Variants in PRSS23 observed in about 807,000 individuals in gnomAD.
PRSS23 encodes the protein protease, serine 23.
Under a neutral mutation model 34.7 loss-of-function variants are expected in PRSS23, and 25 were observed. The observed-to-expected ratio is 0.72, with a 90% CI of 0.53 to 1.01. The LOEUF (loss-of-function observed/expected upper bound fraction) is 1.01. Ranked by LOEUF, PRSS23 falls within the 50% of genes least tolerant of loss-of-function variation. The probability of loss-of-function intolerance (pLI) is 0.00; values close to 1 mark genes in which losing one functional copy is unlikely to be tolerated. For missense variants in PRSS23, 445 were observed against 475.6 expected, an observed-to-expected ratio of 0.94 and a Z score of 0.60; for synonymous variants, 176 against 186.6, an observed-to-expected ratio of 0.94 and a Z score of 0.46.
intron 2 of PRSS23, among the ~76,000 whole-genome samples, chr11:86,879,925 A>G (rs1225046327): frequency 6.7e-6 from 1 of 150,324 alleles, no homozygotes; most frequent in Non-Finnish European, 1.5e-5. Context: ...CTGCCCGGCC[A>G]CCACCCCGTC....
At chr11:86,922,465 A>G (rs1164551608) in intron 2 of PRSS23, among the ~76,000 whole-genome samples, 1 of 148,490 alleles carries the variant, frequency 6.7e-6, no homozygotes, top group Non-Finnish European at 1.5e-5. Flanking sequence ...GCAAGACCCC[A>G]TCTCTAAAAA....
intron 2 of PRSS23, chr11:86,909,553 A>G (rs1456737409): frequency 6.6e-6 from 1 of 152,246 alleles, no homozygotes; most frequent in Non-Finnish European, 1.5e-5. Flanking sequence ...GCTAAATTCA[A>G]GGCTAAGAGG....
chr11:86,851,056 A>G (rs1280639352), intron 2 of PRSS23, among the ~76,000 whole-genome samples: 1 of 152,204 alleles, frequency 6.6e-6, no homozygotes, highest in African/African-American at 2.4e-5. Flanking sequence ...TTACAAGAGG[A>G]TTGGCATCTC....
rs543019738 is a variant in PRSS23 at position 86,906,610 on chromosome 11, C to T, written c.207-44606C>T. On this transcript the variant is annotated intron_variant, in intron 2 of 2. Transcript: ENST00000533902. ...CAAATGCTGAACTACCAGTTTCCTC[C>T]ATACCCTGCATTTCCCAGAGGTAGA... 9.2e-4 allele frequency among the ~76,000 whole-genome samples: 140 copies of T among 152,302 alleles called. 1 individual carries two copies. The highest frequency in any genetic ancestry group is 3.3e-3 in the African/African-American group (136 of 41,568).
At chr11:86,802,473 G>T (rs894054203) in intron 1 of PRSS23, among the ~76,000 whole-genome samples, 1 of 152,188 alleles carries the variant, frequency 6.6e-6, no homozygotes, top group Admixed American at 6.5e-5. Flanking sequence ...TATTCACAGA[G>T]CTTGGTTCAT....
rs73526371 is a variant in PRSS23 at position 86,848,660 on chromosome 11, C to T, written c.206+25067C>T. ...AAGGATAAACTTATCACCTAAGAAG[C>T]GGCCGATATTAGGAGAAAACTCCAA... is the stretch of plus-strand genomic sequence containing the variant. On this transcript the variant is annotated intron_variant, in intron 2 of 2. Coordinates refer to the PRSS23 transcript ENST00000533902. Among the ~76,000 whole-genome samples, 363 of 152,276 alleles carry T rather than the reference C, an allele frequency of 2.4e-3. 3 individuals are homozygous for T. Among genetic ancestry groups the T allele is most frequent in the African/African-American group, 7.9e-3 (329 of 41,552 alleles).
chr11:86,894,763 A>G (rs1321688489), intron 2 of PRSS23, among the ~76,000 whole-genome samples: 1 of 152,174 alleles, frequency 6.6e-6, no homozygotes, highest in Non-Finnish European at 1.5e-5. Flanking sequence ...CACCATAGCT[A>G]AAATCTCTTT....
At chr11:86,842,014 A>G (rs190198380) in intron 2 of PRSS23, among the ~76,000 whole-genome samples, 2 of 152,370 alleles carry the variant, frequency 1.3e-5, no homozygotes, top group East Asian at 1.9e-4. Flanking sequence ...TCTAACGAAC[A>G]TCAATGAGAA....
intron 2 of PRSS23, among the ~76,000 whole-genome samples, chr11:86,845,374 G>A (rs1401129570): frequency 1.3e-5 from 2 of 152,218 alleles, no homozygotes; most frequent in Admixed American, 1.3e-4. Flanking sequence ...GAATTGTATG[G>A]AGATTAAGCT....
At chr11:86,862,383 G>A (rs993225449) in intron 2 of PRSS23, among the ~76,000 whole-genome samples, 2 of 151,530 alleles carry the variant, frequency 1.3e-5, no homozygotes, top group Admixed American at 1.3e-4. Flanking sequence ...GATATTATTG[G>A]TAATATCCTA....
intron 2 of PRSS23, among the ~76,000 whole-genome samples, chr11:86,885,387 C>T (rs976742823): frequency 2.0e-5 from 3 of 152,228 alleles, no homozygotes; most frequent in African/African-American, 7.2e-5. Flanking sequence ...ATATTCACTC[C>T]TATGATGGTT....
chr11:86,894,985 A>T (rs1262725527), intron 2 of PRSS23, among the ~76,000 whole-genome samples: 1 of 152,166 alleles, frequency 6.6e-6, no homozygotes, highest in East Asian at 1.9e-4. Context: ...CAAAGAAAGG[A>T]TCTAGTATTT....
At chr11:86,874,300 T>A (rs1277514598) in intron 2 of PRSS23, among the ~76,000 whole-genome samples, 4 of 152,146 alleles carry the variant, frequency 2.6e-5, no homozygotes, top group Admixed American at 2.6e-4. Flanking sequence ...TTGTGTAGGG[T>A]TGCCAGATTA....
At chr11:86,928,293 T>C (rs1321427573) in intron 2 of PRSS23, among the ~76,000 whole-genome samples, 2 of 148,246 alleles carry the variant, frequency 1.3e-5, no homozygotes, top group Non-Finnish European at 3.0e-5. Flanking sequence ...TACATTAACA[T>C]AAATATACTT....
rs1948144178 is a variant in PRSS23 at position 86,808,909 on chromosome 11, TAA to T, written c.*115_*116del. On this transcript the variant is annotated 3_prime_UTR_variant, in exon 2 of 2. Coordinates refer to ENST00000280258, the MANE Select transcript of PRSS23 (RefSeq NM_007173.6). ...GTGTGTGTGTGTGTGTGTGTGTGTGTAAGGTGTCTTATAATCTTTTACCTATT... is the reference window on the plus strand; with the variant it reads ...GTGTGTGTGTGTGTGTGTGTGTGTGTGGTGTCTTATAATCTTTTACCTATT... 1.5e-5 allele frequency: 12 copies of T among 783,430 alleles called. No homozygotes were observed. The highest frequency in any genetic ancestry group is 6.4e-5 in the South Asian group (3 of 46,536). 48.5% of individuals were successfully genotyped at this position (783,430 alleles called of 1,614,324 possible).
At chr11:86,942,059 C>A (rs1949210481) in intron 2 of PRSS23, among the ~76,000 whole-genome samples, 1 of 152,190 alleles carries the variant, frequency 6.6e-6, no homozygotes, top group Non-Finnish European at 1.5e-5. Flanking sequence ...TGCTCAAAGT[C>A]ATGCTCAGGG....
intron 2 of PRSS23, among the ~76,000 whole-genome samples, chr11:86,866,982 TA>T (rs1831846801): frequency 1.3e-5 from 2 of 152,180 alleles, no homozygotes; most frequent in Admixed American, 1.3e-4. Flanking sequence ...TTTTCCTTTA[TA>T]AATCACCCAG....
chr11:86,801,911 G>T (rs929221090), intron 1 of PRSS23, among the ~76,000 whole-genome samples: 8 of 152,208 alleles, frequency 5.3e-5, no homozygotes, highest in Non-Finnish European at 8.8e-5. Flanking sequence ...GCGGTAACTT[G>T]TCCTTTCCTG....
In PRSS23 at chr11:86,952,073, C is replaced by A. The variant is rs781634932; in HGVS notation, c.*788C>A. ...GAAGGCAGTGGAGATGAAACACAGG[C>A]TGGCCCACACAGCCATCCAGATATC... On this transcript the variant is annotated 3_prime_UTR_variant, in exon 3 of 3. Transcript: ENST00000533902. 1.2e-6 allele frequency: 2 copies of A among 1,614,100 alleles called. No homozygotes were observed. The highest frequency in any genetic ancestry group is 1.1e-5 in the South Asian group (1 of 91,066).
Sources: gnomAD v4.1 joint callset for allele counts (sites outside exome capture counted in the v4.1 genomes callset) on GRCh38, gnomAD v4.1.1 for gene constraint, MANE v1.5 for transcripts, NCBI Gene and HGNC (gene_info 2026-07-23, HGNC 2026-07-21) for gene names.